The following ZNFX1 variants were observed in gnomAD, a reference collection of about 807,000 sequenced individuals.
ZNFX1 encodes NFX1-type zinc finger-containing protein 1.
Under a neutral mutation model 179.8 loss-of-function variants are expected in ZNFX1, and 78 were observed. That is an observed-to-expected ratio of 0.43 (90% CI 0.36 to 0.52). ZNFX1 has a LOEUF of 0.52. ZNFX1 is among the 20% of genes least tolerant of loss of function. ZNFX1 has a pLI of 0.00. For missense variants in ZNFX1, 1,927 were observed against 2,386.6 expected (o/e 0.81, Z 4.01); for synonymous variants, 848 against 868.5 (o/e 0.98, Z 0.42).
At chr20:49,266,337 TC>T in intron 3 of ZNFX1, 71 bp from the exon 4 acceptor site, 1 of 1,418,142 alleles carries the variant, frequency 7.1e-7, no homozygotes, top group Non-Finnish European at 9.5e-7. Context: ...CAGAGCAAAA[TC>T]TTTTTTTAAA....
intron 3 of ZNFX1, 116 bp downstream of exon 3, chr20:49,269,826 A>G: frequency 7.7e-7 from 1 of 1,306,510 alleles, no homozygotes; most frequent in East Asian, 2.4e-5. Flanking sequence ...CCTAAAATAA[A>G]AGTTGGAAAA....
chr20:49,251,494 C>T (rs746900696), intron 13 of ZNFX1, 33 bp downstream of exon 13: 29 of 1,584,518 alleles, frequency 1.8e-5, no homozygotes, highest in Middle Eastern at 1.7e-4. Flanking sequence ...GTTGCTGACA[C>T]CATCCAAGAA....
In ZNFX1 at chr20:49,271,533, T is replaced by G; in HGVS notation, c.279A>C (p.Arg93Ser). The change falls in exon 3 of 14, where the codon AGA becomes AGC. Residue 93 changes from arginine to serine, a missense_variant. Transcript: ENST00000396105. ...NQEGHASDEA[R>S]DQRHDQENDT... is the part of the protein sequence containing the mutation. ...CATTCTCCTGGTCATGTCTTTGGTC[T>G]CTAGCTTCGTCGCTGGCATGCCCCT... The G allele has an allele frequency of 6.2e-7, 1 of 1,614,192 alleles. No homozygotes were observed. The highest frequency in any genetic ancestry group is 8.5e-7 in the Non-Finnish European group (1 of 1,180,024).
chr20:49,247,195 T>A lies in ZNFX1; in HGVS notation c.*72A>T. 1 of 1,524,630 alleles carries A rather than the reference T, an allele frequency of 6.6e-7. No individual in the cohort carries two copies. The highest frequency in any genetic ancestry group is 8.8e-7 in the Non-Finnish European group (1 of 1,137,086). 94.4% of individuals were successfully genotyped at this position (1,524,630 alleles called of 1,614,324 possible). On this transcript the variant is annotated 3_prime_UTR_variant, in exon 14 of 14. Transcript: ENST00000396105. ...AAAGGATGATAATAAAAAACAAACT[T>A]CAGTTCCTTCATTAGGGAGCTGGCC...
At chr20:49,254,013 A>G (rs1338923163) in intron 10 of ZNFX1, among the ~76,000 whole-genome samples, 4 of 139,174 alleles carry the variant, frequency 2.9e-5, no homozygotes, top group Non-Finnish European at 6.2e-5. Context: ...GGAGAAAGTG[A>G]GTGAATTTCT....
chr20:49,247,890 G>C lies in ZNFX1; in HGVS notation c.5134C>G (p.Leu1712Val). The C allele has an allele frequency of 6.2e-7, 1 of 1,614,142 alleles. No homozygotes were observed. Among genetic ancestry groups the C allele is most frequent in the Non-Finnish European group, 8.5e-7 (1 of 1,180,018 alleles). Residue 1712 changes from leucine (L) to valine (V), a missense_variant, in exon 14 of 14, where the codon CTG becomes GTG. Physicochemically the swap from Leu to Val is conservative, Grantham distance 32 (BLOSUM62 1). Coordinates refer to ENST00000396105, the MANE Select transcript of ZNFX1 (RefSeq NM_021035.3). ...TTCAGGGAATCCCACAGGCTGGCCA[G>C]GTGGTCATAGAAGCTGATGTAATTC... ...VENYISFYDH[L>V]ASLWDSLKKM... is the part of the protein sequence containing the mutation.
chr20:49,258,421 G>A (rs1600989846), intron 7 of ZNFX1, among the ~76,000 whole-genome samples: 1 of 152,248 alleles, frequency 6.6e-6, no homozygotes, highest in East Asian at 1.9e-4. Context: ...GAAACTAAAA[G>A]GAATGAGAGG....
At chr20:49,255,622 C>T (rs12106079) in intron 9 of ZNFX1, among the ~76,000 whole-genome samples, 186 bp downstream of exon 9, 8,647 of 152,274 alleles carry the variant, frequency 0.057, 803 homozygotes, top group African/African-American at 0.19. Context: ...TGGATAGACT[C>T]TATAAGCTCC....
intron 13 of ZNFX1, 101 bp downstream of exon 13, chr20:49,251,426 C>T: frequency 9.9e-7 from 1 of 1,013,658 alleles, no homozygotes; most frequent in East Asian, 3.0e-5. Context: ...CAGGTGTGAG[C>T]CACCGCGCCT....
At chr20:49,263,519 T>C (rs1019120089) in intron 5 of ZNFX1, 36 bp from the exon 6 acceptor site, 32 of 1,553,262 alleles carry the variant, frequency 2.1e-5, no homozygotes, top group Non-Finnish European at 2.5e-5. Context: ...GATGAGGAAA[T>C]ATCATCATCC....
intron 5 of ZNFX1, among the ~76,000 whole-genome samples, 155 bp from the exon 6 acceptor site, chr20:49,263,638 T>C (rs1015618891): frequency 1.3e-5 from 2 of 152,232 alleles, no homozygotes; most frequent in African/African-American, 2.4e-5. Context: ...AGGCACATTA[T>C]TGTGGTCTTG....
chr20:49,275,749 C>T (rs1326132963), intron 2 of ZNFX1, 30 bp downstream of exon 2: 1 of 1,610,418 alleles, frequency 6.2e-7, no homozygotes, highest in Admixed American at 1.7e-5. Context: ...ACTAGAATTT[C>T]CTTCTCATTA....
chr20:49,267,687 G>T (rs1460134997), intron 3 of ZNFX1, among the ~76,000 whole-genome samples: 1 of 152,092 alleles, frequency 6.6e-6, no homozygotes, highest in Non-Finnish European at 1.5e-5. Context: ...GGGGAGAAAG[G>T]TATGGGAAGG....
intron 7 of ZNFX1, among the ~76,000 whole-genome samples, chr20:49,259,438 T>C (rs1173683206): frequency 1.3e-5 from 2 of 152,136 alleles, no homozygotes; most frequent in Non-Finnish European, 2.9e-5. Context: ...CTTGCCTTTT[T>C]TTTTTTTGAG....
chr20:49,271,736 C>T lies in ZNFX1; in HGVS notation c.76G>A (p.Glu26Lys), dbSNP rs1302352091. ...HTNHRGPVDG[E>K]LPPRARNQAN... is the part of the protein sequence containing the mutation. ...TGATTTCTAGCTCTTGGTGGTAACT[C>T]TCCATCCACAGGGCCTAAACACAAT... Residue 26 changes from glutamate to lysine, a missense_variant, in exon 3 of 14, where the codon GAG (glutamate) becomes AAG (lysine). Coordinates refer to ENST00000396105, the MANE Select transcript of ZNFX1 (RefSeq NM_021035.3). 1 of 1,612,348 alleles carries T rather than the reference C, an allele frequency of 6.2e-7. No homozygotes were observed. The highest frequency in any genetic ancestry group is 1.7e-5 in the Admixed American group (1 of 59,850).
At chr20:49,250,575 G>T (rs183566389) in intron 13 of ZNFX1, among the ~76,000 whole-genome samples, 3 of 151,950 alleles carry the variant, frequency 2.0e-5, no homozygotes, top group Admixed American at 1.3e-4. Flanking sequence ...TTGAGACAGA[G>T]TTCACTCTTG....
intron 2 of ZNFX1, among the ~76,000 whole-genome samples, chr20:49,275,116 C>G (rs1436034771): frequency 1.3e-4 from 18 of 143,946 alleles, no homozygotes; most frequent in African/African-American, 4.4e-4. Context: ...GAGCGAGACT[C>G]TGTCTCAAAA....
chr20:49,261,456 G>A (rs1167237351), intron 6 of ZNFX1, among the ~76,000 whole-genome samples: 2 of 152,054 alleles, frequency 1.3e-5, no homozygotes, highest in Admixed American at 1.3e-4. Flanking sequence ...ACTAACACAA[G>A]AACAGAAAAC....
At chr20:49,260,744 C>T (rs921209247) in intron 6 of ZNFX1, among the ~76,000 whole-genome samples, 167 bp from the exon 7 acceptor site, 4 of 152,118 alleles carry the variant, frequency 2.6e-5, no homozygotes, top group Non-Finnish European at 4.4e-5. Context: ...AAATTCAAGA[C>T]CAGCCTGGGC....
Sources: allele counts gnomAD v4.1 joint callset (sites outside exome capture counted in the v4.1 genomes callset), GRCh38; gene constraint gnomAD v4.1.1; transcripts MANE v1.5; gene names NCBI Gene and HGNC (gene_info 2026-07-23, HGNC 2026-07-21).